TEX11: variants seen among roughly 807,000 people sequenced by gnomAD.
TEX11 encodes the protein testis expressed 11.
Under a neutral mutation model 84.4 loss-of-function variants are expected in TEX11, and 7 were observed. That is an observed-to-expected ratio of 0.08 (90% CI 0.05 to 0.16). The LOEUF (loss-of-function observed/expected upper bound fraction) is 0.16, where lower values mean the gene tolerates loss of function less well. TEX11 is among the 10% of genes least tolerant of loss of function. TEX11 has a pLI of 1.00. For synonymous variants in TEX11, 264 were observed against 222.8 expected (o/e 1.18, Z -1.64); for missense variants, 551 against 660.5 (o/e 0.83, Z 1.82).
chrX:70,729,345 A>T (rs749990816), intron 11 of TEX11, among the ~76,000 whole-genome samples: 90 of 112,304 alleles, frequency 8.0e-4, no homozygotes, highest in African/African-American at 2.7e-3. Flanking sequence ...AAGGCTTCAG[A>T]CGATTAAACT....
At position 70,629,595 on chromosome X, in the gene TEX11, A is replaced by T; in HGVS notation, c.1608+16T>A. The T allele has an allele frequency of 8.3e-7, 1 of 1,204,814 alleles. No homozygotes were observed. The highest frequency in any genetic ancestry group is 1.1e-6 in the Non-Finnish European group (1 of 891,739). On this transcript the variant is annotated intron_variant, in intron 18 of 29. Coordinates refer to ENST00000374333, the MANE Select transcript of TEX11 (RefSeq NM_031276.3). ...AAAAGGGATAAAAATCTAGTAGATG[A>T]ATACATATGAATTACCTCTAGAGCA... is the stretch of plus-strand genomic sequence containing the variant.
At chrX:70,633,953 AAAAAT>A (rs1205740709) in intron 17 of TEX11, among the ~76,000 whole-genome samples, 4 of 111,695 alleles carry the variant, frequency 3.6e-5, no homozygotes, top group Admixed American at 1.9e-4. Flanking sequence ...AAAACAAAAC[AAAAAT>A]AAAATAAAAT....
intron 13 of TEX11, among the ~76,000 whole-genome samples, chrX:70,709,100 G>A (rs760094352): frequency 4.3e-4 from 48 of 110,790 alleles, no homozygotes; most frequent in Non-Finnish European, 8.0e-4. Context: ...TATGATTCCT[G>A]AAAATAAACT....
At chrX:70,802,886 C>T (rs1025640794) in intron 9 of TEX11, among the ~76,000 whole-genome samples, 5 of 111,880 alleles carry the variant, frequency 4.5e-5, no homozygotes, top group African/African-American at 1.6e-4. Context: ...TTTCTGTATA[C>T]CTTTTCTGAA....
rs1444272112 is a variant in TEX11 at position 70,853,096 on chromosome X, T to A, written c.463A>T (p.Thr155Ser). The change falls in exon 7 of 30, where the codon ACC becomes TCC. Residue 155 changes from threonine to serine, a missense_variant. Thr to Ser is a moderately conservative substitution (Grantham distance 58). Coordinates refer to ENST00000374333, the MANE Select transcript of TEX11 (RefSeq NM_031276.3). ...CTCTCAACAGTAATCTTCTCCATGG[T>A]CAAGTCAGCCTCAGGGGAGCTCCTT... The part of the protein sequence containing the change: ...IQRSSPEADL[T>S]MEKITVESDH... 1 of 1,207,114 alleles carries A rather than the reference T, an allele frequency of 8.3e-7. No individual in the cohort carries two copies. Among genetic ancestry groups the A allele is most frequent in the East Asian group, 3.0e-5 (1 of 33,704 alleles).
intron 2 of TEX11, among the ~76,000 whole-genome samples, chrX:70,881,102 C>T (rs1014951602): frequency 6.6e-4 from 71 of 107,848 alleles, no homozygotes; most frequent in African/African-American, 2.2e-3. Flanking sequence ...CGGAGGCAGG[C>T]AGATCACTTC....
chrX:70,597,309 A>G (rs916944575), intron 24 of TEX11, among the ~76,000 whole-genome samples: 5 of 111,793 alleles, frequency 4.5e-5, no homozygotes, highest in African/African-American at 1.6e-4. Flanking sequence ...CCAGGGACCT[A>G]GAATAGCCAG....
At chrX:70,514,058 T>C in the TEX11 span, among the ~76,000 whole-genome samples, 2 of 109,367 alleles carry the variant, frequency 1.8e-5, no homozygotes, top group African/African-American at 6.8e-5. Flanking sequence ...TGTTTTTGAC[T>C]ACAAAAATGG....
chrX:70,715,908 C>T (rs1278041647), intron 13 of TEX11, among the ~76,000 whole-genome samples: 4 of 111,621 alleles, frequency 3.6e-5, no homozygotes, highest in Non-Finnish European at 7.5e-5. Context: ...TGTTTTTTCC[C>T]CATCTTTGTG....
chrX:70,829,900 C>T (rs2091367937), intron 8 of TEX11, among the ~76,000 whole-genome samples: 1 of 110,268 alleles, frequency 9.1e-6, no homozygotes. Flanking sequence ...CAGTGAAAAT[C>T]GCCTTCACTA....
intron 9 of TEX11, among the ~76,000 whole-genome samples, chrX:70,757,443 C>T (rs2090875538): frequency 8.9e-6 from 1 of 111,953 alleles, no homozygotes; most frequent in South Asian, 3.7e-4. Flanking sequence ...CCCTACAAGC[C>T]AGAAGACAGT....
rs1007138294 is a variant in TEX11 at position 70,670,610 on chromosome X, C to A, written c.1243-96G>T. 7 of 971,870 alleles carry A rather than the reference C, an allele frequency of 7.2e-6. No homozygotes were observed. The South Asian group carries it at 1.7e-4, about 24-fold the overall frequency. 80.1% of individuals were successfully genotyped at this position (971,870 alleles called of 1,213,427 possible). A position where few individuals can be genotyped will look rare whatever the true frequency, so the allele number is the denominator to read the frequency against. ...AACAAATAAAAGATGCTGTTGGTTT[C>A]TTTTTTAGGCAATCAAAACACAATA... On this transcript the variant is annotated intron_variant, in intron 15 of 29. Transcript: ENST00000374333.
At chrX:70,710,032 C>T (rs149644377) in intron 13 of TEX11, among the ~76,000 whole-genome samples, 338 of 110,864 alleles carry the variant, frequency 3.0e-3, no homozygotes, top group African/African-American at 0.01. Flanking sequence ...TCTTGGTAGT[C>T]TAACTGCAAT....
intron 17 of TEX11, among the ~76,000 whole-genome samples, chrX:70,637,923 G>C (rs956305506): frequency 9.6e-6 from 1 of 104,398 alleles, no homozygotes; most frequent in African/African-American, 3.5e-5. Flanking sequence ...GAACTTACAA[G>C]CTGGAAATAA....
chrX:70,617,049 G>A (rs750648925), intron 20 of TEX11, among the ~76,000 whole-genome samples: 2 of 110,938 alleles, frequency 1.8e-5, no homozygotes, highest in Non-Finnish European at 3.8e-5. Context: ...AAATGTTTGA[G>A]GTGATGGATA....
chrX:70,718,306 C>T (rs1250338908), intron 13 of TEX11, among the ~76,000 whole-genome samples: 1 of 112,333 alleles, frequency 8.9e-6, no homozygotes, highest in Non-Finnish European at 1.9e-5. Flanking sequence ...AATCAGAAAA[C>T]TTCCTTTTTG....
At chrX:70,717,322 CTTTT>C (rs1161423432) in intron 13 of TEX11, among the ~76,000 whole-genome samples, 1 of 102,199 alleles carries the variant, frequency 9.8e-6, no homozygotes. Context: ...ACTTTCTTTT[CTTTT>C]TTTTTTTTTT....
chrX:70,591,956 A>C, intron 24 of TEX11, 133 bp from the exon 25 acceptor site: 1 of 437,336 alleles, frequency 2.3e-6, no homozygotes, highest in South Asian at 5.3e-5. Flanking sequence ...TTTAAACTGA[A>C]CATTTTGGAG....
intron 29 of TEX11, 32 bp from the exon 30 acceptor site, chrX:70,529,219 A>G: frequency 9.0e-7 from 1 of 1,114,959 alleles, no homozygotes; most frequent in Non-Finnish European, 1.2e-6. Context: ...AGATTTCTTG[A>G]GGGGAAAAAG....
Sources: gnomAD v4.1 joint callset for allele counts (sites outside exome capture counted in the v4.1 genomes callset) on GRCh38, gnomAD v4.1.1 for gene constraint, MANE v1.5 for transcripts, NCBI Gene and HGNC (gene_info 2026-07-23, HGNC 2026-07-21) for gene names.